The following CORO7 variants were observed in gnomAD, a reference collection of about 807,000 sequenced individuals.
CORO7 encodes the protein coronin 7.
Under a neutral mutation model 126.6 loss-of-function variants are expected in CORO7, and 107 were observed. That is an observed-to-expected ratio of 0.85 (90% CI 0.72 to 0.99). The LOEUF (loss-of-function observed/expected upper bound fraction) is 0.99, where lower values mean the gene tolerates loss of function less well. Ranked by LOEUF, CORO7 falls within the 50% of genes least tolerant of loss-of-function variation. The pLI is 0.00. For missense variants in CORO7, 1,314 were observed against 1,255.8 expected, an observed-to-expected ratio of 1.05 and a Z score of -0.70; for synonymous variants, 603 against 536.8, an observed-to-expected ratio of 1.12 and a Z score of -1.70.
At chr16:4,416,024 G>T in intron 1 of CORO7, 1 of 384,016 alleles carries the variant, frequency 2.6e-6, no homozygotes, top group South Asian at 1.1e-4. Context: ...AGGAGAGAGG[G>T]GCGTCTCCCC....
Position 4,354,696 on chromosome 16 carries a change from C to T in CORO7, c.*462G>A, listed in dbSNP as rs766271987. 12 of 179,638 alleles carry T rather than the reference C, an allele frequency of 6.7e-5. No individual in the cohort carries two copies. Among genetic ancestry groups the T allele is most frequent in the Non-Finnish European group, 1.2e-4 (10 of 86,420 alleles). 11.1% of individuals were successfully genotyped at this position (179,638 alleles called of 1,614,324 possible). On this transcript the variant is annotated 3_prime_UTR_variant, in exon 28 of 28. Transcript: ENST00000251166. The stretch of plus-strand genomic sequence containing the variant: ...GAAGTAGGGCAGCTGGTCCCAGGGC[C>T]CTGAGACTGGTGCTGCTCTAGAAGG...
rs2056057060 is a variant in CORO7, at chr16:4,407,709, G to T, written c.304-25C>A. 1.9e-6 allele frequency: 3 copies of T among 1,553,540 alleles called. No homozygotes were observed. The South Asian group carries it at 3.7e-5, about 19-fold the overall frequency. ...CCTGCAAGAAAGACCAAGTCCGTGA[G>T]CACAGGGCTGAGGGCCTCACTGCCT... On this transcript the variant is annotated intron_variant, in intron 4 of 27. Transcript: ENST00000251166.
intron 6 of CORO7, among the ~76,000 whole-genome samples, chr16:4,398,075 C>T (rs2141290969): frequency 6.6e-6 from 1 of 152,078 alleles, no homozygotes; most frequent in African/African-American, 2.4e-5. Flanking sequence ...GCCACCAGGC[C>T]CTGCTAATGT....
chr16:4,357,029 C>A, intron 26 of CORO7, 139 bp downstream of exon 26: 1 of 1,182,626 alleles, frequency 8.5e-7, no homozygotes, highest in South Asian at 1.3e-5. Context: ...GGAAGGTCTC[C>A]CCACCAGGCT....
At chr16:4,363,691 G>A (rs1408731829) in intron 14 of CORO7, among the ~76,000 whole-genome samples, 1 of 147,686 alleles carries the variant, frequency 6.8e-6, no homozygotes, top group Non-Finnish European at 1.5e-5. Context: ...CAGCCTAGAC[G>A]ACAGGGCGAG....
chr16:4,355,220 G>C (rs1485934085), intron 27 of CORO7, 57 bp from the exon 28 acceptor site: 13 of 1,599,094 alleles, frequency 8.1e-6, no homozygotes, highest in African/African-American at 1.3e-5. Flanking sequence ...AAGGGAGGAG[G>C]CATGCACCGT....
chr16:4,382,719 G>T (rs1450090902), intron 9 of CORO7: 1 of 1,551,768 alleles, frequency 6.4e-7, no homozygotes, highest in East Asian at 2.4e-5. Context: ...ACAAAGGGCA[G>T]GTGGGGCCAG....
intron 1 of CORO7, among the ~76,000 whole-genome samples, chr16:4,415,059 G>C (rs968163874): frequency 4.0e-5 from 6 of 151,814 alleles, no homozygotes; most frequent in Admixed American, 3.9e-4. Flanking sequence ...TGTTCAGAGG[G>C]GTTTCGCAAT....
At chr16:4,361,960 A>G in intron 16 of CORO7, 25 bp downstream of exon 16, 2 of 1,583,516 alleles carry the variant, frequency 1.3e-6, no homozygotes, top group Non-Finnish European at 1.7e-6. Flanking sequence ...ACTGAGGGGC[A>G]GCCCTGGTGG....
chr16:4,384,573 C>G (rs1334315374), intron 9 of CORO7, among the ~76,000 whole-genome samples: 1 of 152,236 alleles, frequency 6.6e-6, no homozygotes, highest in Non-Finnish European at 1.5e-5. Flanking sequence ...ACAGAGTCAG[C>G]CCAGCCAGAC....
At chr16:4,355,459 T>C in intron 26 of CORO7, 87 bp from the exon 27 acceptor site, 1 of 1,405,282 alleles carries the variant, frequency 7.1e-7, no homozygotes, top group South Asian at 1.3e-5. Context: ...GACAAGGCTG[T>C]GAAAAGAACT....
intron 7 of CORO7, among the ~76,000 whole-genome samples, chr16:4,393,241 G>C (rs1348859896): frequency 2.0e-5 from 3 of 152,206 alleles, no homozygotes; most frequent in African/African-American, 7.2e-5. Flanking sequence ...GGGGCCGGGG[G>C]AAGCCTCTGT....
intron 9 of CORO7, chr16:4,381,928 G>GCCA: frequency 6.2e-7 from 1 of 1,606,960 alleles, no homozygotes; most frequent in Non-Finnish European, 8.5e-7. Flanking sequence ...TGGCTGCCCA[G>GCCA]CCACCACCAC....
chr16:4,393,402 G>T lies in CORO7; in HGVS notation c.615+1887C>A, dbSNP rs377521117. Among the ~76,000 whole-genome samples the T allele has an allele frequency of 3.5e-4, 54 of 152,284 alleles. No individual in the cohort carries two copies. The South Asian group carries it at 0.011, about 30-fold the overall frequency. ...GGCCCAGGTCCCACATGACGAAGAGGTCAGCCAGCCTCACCAGCAAGTACG... is the reference window on the plus strand; with the variant it reads ...GGCCCAGGTCCCACATGACGAAGAGTTCAGCCAGCCTCACCAGCAAGTACG... On this transcript the variant is annotated intron_variant, in intron 7 of 27. Transcript: ENST00000251166.
chr16:4,395,440 C>T, intron 6 of CORO7, 101 bp from the exon 7 acceptor site: 3 of 1,507,356 alleles, frequency 2.0e-6, no homozygotes, highest in Non-Finnish European at 2.7e-6. Context: ...TCTGAGCAGC[C>T]CATCCCCAGC....
intron 6 of CORO7, among the ~76,000 whole-genome samples, chr16:4,404,596 C>T (rs1046629600): frequency 3.3e-5 from 5 of 152,214 alleles, no homozygotes; most frequent in Non-Finnish European, 5.9e-5. Flanking sequence ...CACCCTGGAG[C>T]GGCTCTGCCT....
Position 4,355,091 on chromosome 16 carries a change from G to T in CORO7, c.*67C>A, listed in dbSNP as rs1465018803. ...GCCAGAGAGGTATCTTCCAGCTTGA[G>T]GATGAGCCGTGAGGTGTGCACTAGG... On this transcript the variant is annotated 3_prime_UTR_variant, in exon 28 of 28. Coordinates refer to ENST00000251166, the MANE Select transcript of CORO7 (RefSeq NM_024535.5). 3 of 1,432,986 alleles carry T rather than the reference G, an allele frequency of 2.1e-6. No homozygotes were observed. In the South Asian group the frequency reaches 4.5e-5, roughly 22 times the overall value. 88.8% of individuals were successfully genotyped at this position (1,432,986 alleles called of 1,614,324 possible).
chr16:4,359,438 C>G (rs144121826), intron 22 of CORO7, 42 bp downstream of exon 22: 4 of 1,613,458 alleles, frequency 2.5e-6, no homozygotes, highest in East Asian at 2.2e-5. Context: ...GCCTTCCCCC[C>G]ACCACCTCTC....
At chr16:4,388,507 C>T (rs2055274019) in intron 8 of CORO7, 38 bp downstream of exon 8, 3 of 1,595,438 alleles carry the variant, frequency 1.9e-6, no homozygotes, top group African/African-American at 2.7e-5. Context: ...CATGTCCCCA[C>T]CTGGCCGTGC....
Sources: allele counts gnomAD v4.1 joint callset (sites outside exome capture counted in the v4.1 genomes callset), GRCh38; gene constraint gnomAD v4.1.1; transcripts MANE v1.5; gene names NCBI Gene and HGNC (gene_info 2026-07-23, HGNC 2026-07-21).